CWF19L2: variants seen among roughly 807,000 people sequenced by gnomAD.
The protein encoded by CWF19L2 is CWF19-like protein 2.
CWF19L2 carries 98 observed loss-of-function variants against 111.7 expected under a neutral mutation model. The ratio of observed to expected loss-of-function variants is 0.88; its 90% CI spans 0.75 to 1.04. The LOEUF (loss-of-function observed/expected upper bound fraction) is 1.04, where lower values mean the gene tolerates loss of function less well. Ranked by LOEUF, CWF19L2 falls within the 50% of genes least tolerant of loss-of-function variation. The pLI, the probability that CWF19L2 is intolerant of heterozygous loss-of-function variation, is 0.00. For synonymous variants in CWF19L2, 351 were observed against 342.9 expected (o/e 1.02, Z -0.26); for missense variants, 1,101 against 1,051.4 (o/e 1.05, Z -0.65).
At position 107,417,000 on chromosome 11, in the gene CWF19L2, G is replaced by A. The variant is rs573783887; in HGVS notation, c.1528-702C>T. Among the ~76,000 whole-genome samples the A allele has an allele frequency of 3.9e-5, 6 of 152,300 alleles. No individual in the cohort carries two copies. In the East Asian group the frequency reaches 1.2e-3, roughly 29 times the overall value. On this transcript the variant is annotated intron_variant, in intron 9 of 17. Transcript: ENST00000282251. ...CTTCCCTTACCAATTTCTAGGACGAGTGGAAGTTCAGTGTTTCCAAGGATC... is the reference window on the plus strand; with the variant it reads ...CTTCCCTTACCAATTTCTAGGACGAATGGAAGTTCAGTGTTTCCAAGGATC...
At position 107,329,952 on chromosome 11, in the gene CWF19L2, T is replaced by C. The variant is rs749180534; in HGVS notation, c.2507A>G (p.Glu836Gly). Residue 836 changes from glutamate to glycine, a missense_variant, in exon 17 of 18, where the codon GAA becomes GGA. Transcript: ENST00000282251. The stretch of plus-strand genomic sequence containing the variant: ...GTAATGAGGGAATTTGTGCTGATCT[T>C]CAATGACATGGGCAAACCCTCCGTG... ...GLHGGFAHVI[E>G]DQHKFPHYFG... The C allele has an allele frequency of 7.5e-6, 12 of 1,593,112 alleles. No individual in the cohort carries two copies. In the Middle Eastern group the frequency reaches 5.0e-4, roughly 66 times the overall value.
At chr11:107,372,054 T>C (rs773571765) in intron 12 of CWF19L2, among the ~76,000 whole-genome samples, 2 of 135,814 alleles carry the variant, frequency 1.5e-5, no homozygotes, top group Non-Finnish European at 3.1e-5. Flanking sequence ...TTTCTGGAAT[T>C]CCATGCACTT....
At position 107,433,130 on chromosome 11, in the gene CWF19L2, C is replaced by T. The variant is rs74497969; in HGVS notation, c.780+504G>A. Among the ~76,000 whole-genome samples the T allele has an allele frequency of 8.7e-3, 1,330 of 152,012 alleles. 18 individuals carry two copies. Among genetic ancestry groups the T allele is most frequent in the African/African-American group, 0.03 (1,225 of 41,468 alleles). ...ACTACTTTCTAAACCTGCTTTCCCCCGGCAATTGAAGAGAAAAAAAAGAAT... is the reference window on the plus strand; with the variant it reads ...ACTACTTTCTAAACCTGCTTTCCCCTGGCAATTGAAGAGAAAAAAAAGAAT... On this transcript the variant is annotated intron_variant, in intron 7 of 17. Transcript: ENST00000282251.
At chr11:107,350,905 T>A (rs117339264) in intron 13 of CWF19L2, among the ~76,000 whole-genome samples, 1 of 152,076 alleles carries the variant, frequency 6.6e-6, no homozygotes, top group African/African-American at 2.4e-5. Flanking sequence ...GGAGGATGCA[T>A]ACCAAGTGTG....
intron 12 of CWF19L2, among the ~76,000 whole-genome samples, chr11:107,361,941 C>A (rs1237742606): frequency 6.6e-6 from 1 of 152,102 alleles, no homozygotes; most frequent in Non-Finnish European, 1.5e-5. Context: ...GAGTGCCAGA[C>A]AGTGGGCGCA....
intron 10 of CWF19L2, among the ~76,000 whole-genome samples, chr11:107,399,868 C>T (rs1591183652): frequency 6.6e-6 from 1 of 152,138 alleles, no homozygotes; most frequent in East Asian, 1.9e-4. Context: ...ATCAAGCACT[C>T]TTTCAGACCA....
intron 3 of CWF19L2, 126 bp from the exon 4 acceptor site, chr11:107,443,175 C>A (rs1861655932): frequency 3.0e-6 from 2 of 665,204 alleles, no homozygotes; most frequent in Non-Finnish European, 5.2e-6. Flanking sequence ...TTCCCCTTTA[C>A]AAAATGGCAA....
chr11:107,405,970 A>T (rs1591186622), intron 10 of CWF19L2, among the ~76,000 whole-genome samples: 1 of 152,180 alleles, frequency 6.6e-6, no homozygotes, highest in South Asian at 2.1e-4. Flanking sequence ...TAACTTAATT[A>T]AAAAATATAG....
chr11:107,348,874 C>A, intron 14 of CWF19L2, 63 bp downstream of exon 14: 1 of 869,534 alleles, frequency 1.2e-6, no homozygotes, highest in Non-Finnish European at 1.8e-6. Context: ...TGGAATTTAT[C>A]ACAATAATTT....
chr11:107,349,838 A>G (rs879659334), intron 13 of CWF19L2, among the ~76,000 whole-genome samples: 11 of 152,166 alleles, frequency 7.2e-5, no homozygotes, highest in Admixed American at 2.6e-4. Flanking sequence ...AAATTACAGT[A>G]AAATCACAAA....
chr11:107,349,886 T>G (rs528897301), intron 13 of CWF19L2, among the ~76,000 whole-genome samples: 9 of 152,138 alleles, frequency 5.9e-5, no homozygotes, highest in Non-Finnish European at 1.2e-4. Context: ...TTAAGGGTCA[T>G]GGGTATGTCT....
chr11:107,417,637 C>T (rs183927711), intron 9 of CWF19L2, among the ~76,000 whole-genome samples: 1 of 152,038 alleles, frequency 6.6e-6, no homozygotes, highest in East Asian at 1.9e-4. Context: ...AAGTAAATAG[C>T]CAAGTAAAAA....
rs1255046506 is a variant in CWF19L2, at chr11:107,455,723, C to G, written c.159G>C (p.Arg53=). 3 of 1,551,290 alleles carry G rather than the reference C, an allele frequency of 1.9e-6. No homozygotes were observed. The highest frequency in any genetic ancestry group is 2.6e-6 in the Non-Finnish European group (3 of 1,146,836). ...CAGGTAGCATCCATGTATCCTCACC[C>G]CGAAGTCGCTTAAGTTCTTTACGCC... The part of the protein sequence containing the change: ...EERRKELKRL[R]GEDTWMLPDV... Residue 53 remains arginine, a synonymous_variant, in exon 2 of 18, where the codon CGG becomes CGC. Coordinates refer to ENST00000282251, the MANE Select transcript of CWF19L2 (RefSeq NM_152434.3).
chr11:107,363,027 C>A (rs1860380984), intron 12 of CWF19L2, among the ~76,000 whole-genome samples: 2 of 152,154 alleles, frequency 1.3e-5, no homozygotes, highest in Admixed American at 1.3e-4. Flanking sequence ...GTGAAGAATG[C>A]AGAAGCCTCA....
At chr11:107,389,989 A>C in intron 12 of CWF19L2, 85 bp downstream of exon 12, 1 of 1,130,656 alleles carries the variant, frequency 8.8e-7, no homozygotes. Context: ...ATTAGAGAGA[A>C]CCAGATCTCT....
chr11:107,454,641 A>C, intron 2 of CWF19L2, 69 bp from the exon 3 acceptor site: 1 of 1,123,812 alleles, frequency 8.9e-7, no homozygotes, highest in Non-Finnish European at 1.1e-6. Context: ...GTATTCTGAG[A>C]GAAAAAAAAT....
chr11:107,429,169 G>T lies in CWF19L2; in HGVS notation c.1063C>A (p.Gln355Lys), dbSNP rs1481336942. The T allele has an allele frequency of 6.2e-7, 1 of 1,613,740 alleles. No individual in the cohort carries two copies. ...TTGCCAAAAGAAAACTCTTGATTTT[G>T]CCTTGGGTTAGATTCTCTTCTACAC... is the stretch of plus-strand genomic sequence containing the variant. ...ETCRRESNPR[Q>K]NQEFSFGNLR... is the part of the protein sequence containing the mutation. Residue 355 changes from glutamine (Q) to lysine (K), a missense_variant, in exon 8 of 18, where the codon CAA becomes AAA. Transcript: ENST00000282251.
chr11:107,360,511 T>C (rs893599952), intron 12 of CWF19L2, among the ~76,000 whole-genome samples: 7 of 152,320 alleles, frequency 4.6e-5, no homozygotes, highest in South Asian at 4.1e-4. Context: ...AGTAATGGGA[T>C]TGCTGAATCA....
intron 16 of CWF19L2, among the ~76,000 whole-genome samples, chr11:107,330,808 C>T (rs531977726): frequency 0.22 from 36 of 162 alleles, no homozygotes; most frequent in African/African-American, 0.38. Flanking sequence ...AGAAATTATC[C>T]AAGTGGGTCA....
Sources: allele counts gnomAD v4.1 joint callset (sites outside exome capture counted in the v4.1 genomes callset), GRCh38; gene constraint gnomAD v4.1.1; transcripts MANE v1.5; gene names NCBI Gene and HGNC (gene_info 2026-07-23, HGNC 2026-07-21).